AFG2A: variants seen among roughly 807,000 people sequenced by gnomAD.
AFG2A encodes the protein AAA ATPase AFG2A, also known as ATPase family gene 2 protein homolog A.
At chr4:123,159,682 G>T in the AFG2A span, among the ~76,000 whole-genome samples, 2 of 152,134 alleles carry the variant, frequency 1.3e-5, no homozygotes, top group African/African-American at 4.8e-5. Flanking sequence ...GATATTAACT[G>T]GAAGGCTGCA....
At chr4:123,178,407 T>C in the AFG2A span, among the ~76,000 whole-genome samples, 2 of 152,224 alleles carry the variant, frequency 1.3e-5, no homozygotes, top group South Asian at 2.1e-4. Flanking sequence ...AGGAACTGTT[T>C]AAAAAATTTT....
chr4:122,941,881 T>A, the AFG2A span, among the ~76,000 whole-genome samples: 2 of 151,400 alleles, frequency 1.3e-5, no homozygotes, highest in South Asian at 4.2e-4. Context: ...TCTGCATCTA[T>A]TGAGATAATC....
the AFG2A span, among the ~76,000 whole-genome samples, chr4:122,953,773 A>G: frequency 0.91 from 138,229 of 152,298 alleles, 62,960 homozygotes; most frequent in East Asian, 0.96. Context: ...CCCCTTGGCC[A>G]TCTCCTTTCC....
At chr4:123,108,223 G>C in the AFG2A span, among the ~76,000 whole-genome samples, 2 of 152,166 alleles carry the variant, frequency 1.3e-5, no homozygotes, top group African/African-American at 4.8e-5. Context: ...GTGCTGGAGA[G>C]ATTCTTAGAG....
the AFG2A span, among the ~76,000 whole-genome samples, chr4:123,220,960 T>C: frequency 6.6e-6 from 1 of 152,192 alleles, no homozygotes; most frequent in African/African-American, 2.4e-5. Flanking sequence ...AAAACCTACA[T>C]AGTGTCTTAC....
chr4:123,304,388 G>A, the AFG2A span, among the ~76,000 whole-genome samples: 8 of 152,150 alleles, frequency 5.3e-5, no homozygotes, highest in Non-Finnish European at 2.9e-5. Context: ...GCAAACAGCA[G>A]GACATCACTC....
At chr4:123,151,504 T>G in the AFG2A span, among the ~76,000 whole-genome samples, 1 of 152,126 alleles carries the variant, frequency 6.6e-6, no homozygotes, top group African/African-American at 2.4e-5. Flanking sequence ...AGAAAGACGT[T>G]TATGCAACCA....
the AFG2A span, among the ~76,000 whole-genome samples, chr4:123,052,538 TA>T: frequency 6.6e-6 from 1 of 152,140 alleles, no homozygotes; most frequent in Admixed American, 6.5e-5. Context: ...ATTGAGGGAT[TA>T]AGTATTTATT....
the AFG2A span, among the ~76,000 whole-genome samples, chr4:123,051,395 C>G: frequency 6.6e-6 from 1 of 151,938 alleles, no homozygotes; most frequent in South Asian, 2.1e-4. Context: ...ACCTTAACTT[C>G]CTCTCCTCCA....
chr4:122,958,923 C>T, the AFG2A span, among the ~76,000 whole-genome samples: 2 of 152,186 alleles, frequency 1.3e-5, no homozygotes, highest in Non-Finnish European at 2.9e-5. Flanking sequence ...CAGTCTTGCC[C>T]TTGTCTGTGA....
chr4:123,267,745 T>C, the AFG2A span, among the ~76,000 whole-genome samples: 97 of 152,198 alleles, frequency 6.4e-4, no homozygotes, highest in African/African-American at 2.3e-3. Flanking sequence ...AAGATTTCAT[T>C]ATAATAACTT....
At chr4:123,273,176 G>C in the AFG2A span, among the ~76,000 whole-genome samples, 2 of 152,138 alleles carry the variant, frequency 1.3e-5, no homozygotes, top group Non-Finnish European at 2.9e-5. Context: ...TTAAAAGTCT[G>C]TTCCACTAAT....
chr4:123,283,656 T>G, the AFG2A span, among the ~76,000 whole-genome samples: 9 of 152,308 alleles, frequency 5.9e-5, no homozygotes, highest in South Asian at 1.9e-3. Context: ...GTTTTACCTT[T>G]TTAAGGGATT....
the AFG2A span, among the ~76,000 whole-genome samples, chr4:122,937,463 C>T: frequency 1.3e-5 from 2 of 152,030 alleles, no homozygotes; most frequent in African/African-American, 4.8e-5. Flanking sequence ...TGCTGGCTGT[C>T]TTGGTGTTTA....
At chr4:123,089,956 G>C in the AFG2A span, among the ~76,000 whole-genome samples, 1 of 152,068 alleles carries the variant, frequency 6.6e-6, no homozygotes, top group African/African-American at 2.4e-5. Context: ...AGGATAGTGT[G>C]TTTAGAACTG....
the AFG2A span, among the ~76,000 whole-genome samples, chr4:122,937,038 C>T: frequency 6.6e-6 from 1 of 151,908 alleles, no homozygotes; most frequent in Non-Finnish European, 1.5e-5. Flanking sequence ...TGTAGTCCCA[C>T]CTACTAAGGA....
chr4:123,021,564 A>G, the AFG2A span, among the ~76,000 whole-genome samples: 4 of 152,208 alleles, frequency 2.6e-5, no homozygotes, highest in African/African-American at 9.6e-5. Flanking sequence ...TTTCATTTAC[A>G]TTTTAGAGAA....
the AFG2A span, among the ~76,000 whole-genome samples, chr4:123,162,833 A>G: frequency 6.6e-6 from 1 of 152,192 alleles, no homozygotes; most frequent in Non-Finnish European, 1.5e-5. Context: ...CCTCTGGGTC[A>G]TGGTTTAATC....
chr4:123,199,670 C>G, the AFG2A span, among the ~76,000 whole-genome samples: 1 of 151,900 alleles, frequency 6.6e-6, no homozygotes, highest in African/African-American at 2.4e-5. Flanking sequence ...CGGGGTTTCG[C>G]CATGTTGGCC....
Sources: gnomAD v4.1 joint callset for allele counts (sites outside exome capture counted in the v4.1 genomes callset) on GRCh38, gnomAD v4.1.1 for gene constraint, MANE v1.5 for transcripts, NCBI Gene and HGNC (gene_info 2026-07-23, HGNC 2026-07-21) for gene names.